GUCY1A2: variants seen among roughly 807,000 people sequenced by gnomAD.
GUCY1A2 encodes the protein guanylate cyclase soluble subunit alpha-2.
Under a neutral mutation model 63.5 loss-of-function variants are expected in GUCY1A2, and 27 were observed. The observed-to-expected ratio is 0.43, with a 90% CI of 0.31 to 0.59. The LOEUF (loss-of-function observed/expected upper bound fraction) is 0.59, where lower values mean the gene tolerates loss of function less well. GUCY1A2 is among the 20% of genes least tolerant of loss of function. The pLI, the probability that GUCY1A2 is intolerant of heterozygous loss-of-function variation, is 0.11. For missense variants in GUCY1A2, 768 were observed against 913.3 expected (o/e 0.84, Z 2.05); for synonymous variants, 364 against 343.5 (o/e 1.06, Z -0.66).
At chr11:106,804,969 A>C (rs907186710) in intron 5 of GUCY1A2, among the ~76,000 whole-genome samples, 1 of 151,934 alleles carries the variant, frequency 6.6e-6, no homozygotes, top group Non-Finnish European at 1.5e-5. Context: ...ATTGGCCTGA[A>C]CTCTGCTTTT....
chr11:106,902,028 T>C (rs1390567294), intron 4 of GUCY1A2, among the ~76,000 whole-genome samples: 1 of 152,210 alleles, frequency 6.6e-6, no homozygotes, highest in Non-Finnish European at 1.5e-5. Flanking sequence ...CTATGGCAGC[T>C]GTAGCCTTCC....
intron 1 of GUCY1A2, among the ~76,000 whole-genome samples, chr11:107,014,048 T>A (rs1233854156): frequency 6.6e-6 from 1 of 151,076 alleles, no homozygotes; most frequent in Non-Finnish European, 1.5e-5. Context: ...TCCTCAAAAG[T>A]TTTAAAACTT....
intron 6 of GUCY1A2, among the ~76,000 whole-genome samples, chr11:106,774,135 T>C (rs1864310136): frequency 6.6e-6 from 1 of 152,074 alleles, no homozygotes; most frequent in African/African-American, 2.4e-5. Flanking sequence ...ATGTCACTTT[T>C]ATAATTTTTT....
intron 6 of GUCY1A2, among the ~76,000 whole-genome samples, chr11:106,715,657 T>C (rs1863201035): frequency 6.6e-6 from 1 of 152,194 alleles, no homozygotes; most frequent in African/African-American, 2.4e-5. Context: ...ATCTTACTGT[T>C]CATGCTTTTC....
chr11:106,842,109 T>A (rs1178058644), intron 4 of GUCY1A2, among the ~76,000 whole-genome samples: 1 of 151,882 alleles, frequency 6.6e-6, no homozygotes, highest in Non-Finnish European at 1.5e-5. Flanking sequence ...CTTGGTTTGC[T>A]CTCTGCTGAT....
chr11:106,758,946 A>G (rs556987780), intron 6 of GUCY1A2, among the ~76,000 whole-genome samples: 1 of 152,120 alleles, frequency 6.6e-6, no homozygotes. Context: ...AAGAATGTCA[A>G]ATTTATTCAT....
chr11:106,966,924 T>C (rs1024358256), intron 3 of GUCY1A2, among the ~76,000 whole-genome samples: 1 of 151,828 alleles, frequency 6.6e-6, no homozygotes, highest in East Asian at 1.9e-4. Flanking sequence ...ATAATGAAAA[T>C]AGAAAGGTTA....
At chr11:106,740,353 A>G (rs1863672413) in intron 6 of GUCY1A2, among the ~76,000 whole-genome samples, 2 of 151,920 alleles carry the variant, frequency 1.3e-5, no homozygotes, top group Admixed American at 6.6e-5. Context: ...GTAGAAACAG[A>G]TGCTTTTAAG....
intron 1 of GUCY1A2, among the ~76,000 whole-genome samples, chr11:107,016,281 G>A (rs946424657): frequency 1.9e-4 from 29 of 152,256 alleles, no homozygotes; most frequent in Admixed American, 4.6e-4. Context: ...GTGCTGTCAG[G>A]AGGAGCTAAA....
At chr11:106,898,583 G>T (rs542620355) in intron 4 of GUCY1A2, among the ~76,000 whole-genome samples, 1 of 152,204 alleles carries the variant, frequency 6.6e-6, no homozygotes, top group East Asian at 1.9e-4. Context: ...ATAATTAAAT[G>T]AAAGAACTCA....
chr11:106,698,268 T>G (rs1862757280), intron 7 of GUCY1A2, among the ~76,000 whole-genome samples: 1 of 149,052 alleles, frequency 6.7e-6, no homozygotes, highest in Non-Finnish European at 1.5e-5. Flanking sequence ...TTTAGGCACA[T>G]GCACCATGTC....
At chr11:106,798,380 A>C (rs1000351458) in intron 5 of GUCY1A2, among the ~76,000 whole-genome samples, 1 of 151,934 alleles carries the variant, frequency 6.6e-6, no homozygotes, top group South Asian at 2.1e-4. Context: ...TTCCAATCAA[A>C]AGAAAAAGAG....
chr11:107,006,025 T>C (rs1039961653), intron 1 of GUCY1A2, among the ~76,000 whole-genome samples: 1 of 152,210 alleles, frequency 6.6e-6, no homozygotes, highest in Non-Finnish European at 1.5e-5. Flanking sequence ...GTCCAAATAC[T>C]GTGCTAGGCA....
intron 4 of GUCY1A2, among the ~76,000 whole-genome samples, chr11:106,861,426 C>G (rs1859511010): frequency 6.6e-6 from 1 of 151,904 alleles, no homozygotes; most frequent in Admixed American, 6.6e-5. Context: ...GGATAGGTGT[C>G]TCTTTGTTGC....
chr11:106,775,008 T>C (rs1471234836), intron 6 of GUCY1A2, among the ~76,000 whole-genome samples: 1 of 152,204 alleles, frequency 6.6e-6, no homozygotes, highest in African/African-American at 2.4e-5. Flanking sequence ...TCTGAAAACA[T>C]CCCAGGTATG....
At chr11:106,879,942 A>T (rs763613379) in intron 4 of GUCY1A2, among the ~76,000 whole-genome samples, 3 of 152,190 alleles carry the variant, frequency 2.0e-5, no homozygotes, top group Non-Finnish European at 4.4e-5. Context: ...ATTGATCGTT[A>T]TATTGTATGG....
chr11:106,987,556 G>A (rs1204071672), intron 1 of GUCY1A2, among the ~76,000 whole-genome samples: 3 of 151,204 alleles, frequency 2.0e-5, no homozygotes, highest in Non-Finnish European at 4.4e-5. Flanking sequence ...GGAGGCTGAG[G>A]CATAAGAATT....
At chr11:106,707,045 G>A (rs529415587) in intron 7 of GUCY1A2, among the ~76,000 whole-genome samples, 28 of 152,226 alleles carry the variant, frequency 1.8e-4, no homozygotes, top group African/African-American at 6.7e-4. Flanking sequence ...GAAGTTGTCT[G>A]TGAGGCCCTC....
At chr11:106,944,877 T>C (rs749080294) in intron 3 of GUCY1A2, among the ~76,000 whole-genome samples, 1 of 152,178 alleles carries the variant, frequency 6.6e-6, no homozygotes, top group Non-Finnish European at 1.5e-5. Context: ...GTCTTTCTTA[T>C]AAAATAGCAG....
Sources: allele counts gnomAD v4.1 joint callset (sites outside exome capture counted in the v4.1 genomes callset), GRCh38; gene constraint gnomAD v4.1.1; transcripts MANE v1.5; gene names NCBI Gene and HGNC (gene_info 2026-07-23, HGNC 2026-07-21).